The following ADAM12 variants were observed in gnomAD, a reference collection of about 807,000 sequenced individuals.
ADAM12 encodes the protein ADAM metallopeptidase domain 12.
A neutral mutation model predicts 106.4 loss-of-function variants in ADAM12; 70 were observed. That is an observed-to-expected ratio of 0.66 (90% CI 0.54 to 0.80). The LOEUF is 0.80. Ranked by LOEUF, ADAM12 falls within the 30% of genes least tolerant of loss-of-function variation. ADAM12 has a pLI of 0.00. For missense variants in ADAM12, 1,010 were observed against 1,171.9 expected (o/e 0.86, Z 2.02); for synonymous variants, 420 against 433.5 (o/e 0.97, Z 0.39).
intron 3 of ADAM12, among the ~76,000 whole-genome samples, chr10:126,235,219 C>T (rs1958390392): frequency 6.6e-6 from 1 of 152,204 alleles, no homozygotes; most frequent in Admixed American, 6.5e-5. Flanking sequence ...CAGGAAGCCA[C>T]CCCCCAGGGA....
At chr10:126,382,516 C>T (rs1590848726) in intron 1 of ADAM12, among the ~76,000 whole-genome samples, 1 of 152,234 alleles carries the variant, frequency 6.6e-6, no homozygotes, top group African/African-American at 2.4e-5. Flanking sequence ...AGAGTGAAAT[C>T]GCCTTGGCAG....
At chr10:126,173,699 T>G (rs1327192460) in intron 3 of ADAM12, among the ~76,000 whole-genome samples, 1 of 152,126 alleles carries the variant, frequency 6.6e-6, no homozygotes, top group Non-Finnish European at 1.5e-5. Context: ...ATCACAATGC[T>G]AATTCAGTCT....
chr10:126,122,021 C>T (rs1956124930), intron 5 of ADAM12, among the ~76,000 whole-genome samples: 1 of 152,084 alleles, frequency 6.6e-6, no homozygotes, highest in Non-Finnish European at 1.5e-5. Flanking sequence ...ATAGACAAGG[C>T]AGCATCGAGA....
chr10:126,051,508 T>TCCAGCCAG (rs1301345163), intron 14 of ADAM12, among the ~76,000 whole-genome samples: 6,265 of 125,172 alleles, frequency 0.05, 169 homozygotes, highest in Middle Eastern at 0.15. Context: ...CACCCGTCCA[T>TCCAGCCAG]CCATCCATCC....
intron 4 of ADAM12, among the ~76,000 whole-genome samples, chr10:126,149,309 A>G (rs1956687194): frequency 6.6e-6 from 1 of 152,210 alleles, no homozygotes; most frequent in African/African-American, 2.4e-5. Context: ...TGTAGACTTC[A>G]GCTTTTGCAA....
At chr10:126,375,974 C>T (rs1298541343) in intron 1 of ADAM12, among the ~76,000 whole-genome samples, 2 of 151,152 alleles carry the variant, frequency 1.3e-5, no homozygotes, top group Non-Finnish European at 2.9e-5. Flanking sequence ...TTTCTGGGCT[C>T]AAGTAATCCC....
intron 7 of ADAM12, among the ~76,000 whole-genome samples, chr10:126,109,522 T>C (rs1955831380): frequency 6.6e-6 from 1 of 152,196 alleles, no homozygotes; most frequent in Non-Finnish European, 1.5e-5. Context: ...TTAATTCTCC[T>C]TGTTTGGAGA....
At chr10:126,303,257 C>G (rs889533424) in intron 2 of ADAM12, among the ~76,000 whole-genome samples, 4 of 152,182 alleles carry the variant, frequency 2.6e-5, no homozygotes, top group African/African-American at 4.8e-5. Flanking sequence ...TCATACTATC[C>G]TATGTATATC....
intron 1 of ADAM12, among the ~76,000 whole-genome samples, chr10:126,350,917 C>G (rs1262210716): frequency 1.3e-5 from 2 of 152,192 alleles, no homozygotes; most frequent in Non-Finnish European, 2.9e-5. Flanking sequence ...TGCTGCCGAC[C>G]CCCGGAGCCC....
intron 3 of ADAM12, among the ~76,000 whole-genome samples, chr10:126,221,088 T>A (rs1399400328): frequency 6.6e-6 from 1 of 152,188 alleles, no homozygotes; most frequent in Non-Finnish European, 1.5e-5. Flanking sequence ...TGAGGTAGAT[T>A]TAGAAGAGAA....
intron 6 of ADAM12, among the ~76,000 whole-genome samples, chr10:126,114,976 C>A (rs1955953301): frequency 1.3e-5 from 2 of 152,258 alleles, no homozygotes; most frequent in South Asian, 4.1e-4. Context: ...CTACAAATAC[C>A]CCACCACTAC....
chr10:126,194,396 T>C (rs1178925802), intron 3 of ADAM12, among the ~76,000 whole-genome samples: 1 of 151,280 alleles, frequency 6.6e-6, no homozygotes, highest in African/African-American at 2.4e-5. Flanking sequence ...CAAAGGGAAG[T>C]GTACACCTCA....
At chr10:126,051,536 C>CCCACCCAT (rs1954490871) in intron 14 of ADAM12, among the ~76,000 whole-genome samples, 5 of 118,892 alleles carry the variant, frequency 4.2e-5, no homozygotes, top group Non-Finnish European at 8.9e-5. Context: ...CAGCCAGCCA[C>CCCACCCAT]CCATCCATCC....
intron 8 of ADAM12, among the ~76,000 whole-genome samples, chr10:126,107,260 G>T (rs1955791272): frequency 6.6e-6 from 1 of 152,156 alleles, no homozygotes; most frequent in South Asian, 2.1e-4. Flanking sequence ...GCCCTGGGAA[G>T]AAGTAAGTGA....
chr10:126,317,468 A>C (rs1564729346), intron 2 of ADAM12, among the ~76,000 whole-genome samples: 1 of 152,316 alleles, frequency 6.6e-6, no homozygotes, highest in Non-Finnish European at 1.5e-5. Flanking sequence ...AGCTGAATGA[A>C]ACATTTTGTG....
chr10:126,186,195 T>C (rs1957396494), intron 3 of ADAM12, among the ~76,000 whole-genome samples: 1 of 152,132 alleles, frequency 6.6e-6, no homozygotes, highest in African/African-American at 2.4e-5. Context: ...CAGTGTGCAG[T>C]GTTCAGTCAC....
chr10:126,103,088 G>A lies in ADAM12; in HGVS notation c.742-1847C>T, dbSNP rs147480277. 5.8e-4 allele frequency among the ~76,000 whole-genome samples: 88 copies of A among 152,264 alleles called. No homozygotes were observed. In the East Asian group the frequency reaches 0.015, roughly 25 times the overall value. On this transcript the variant is annotated intron_variant, in intron 8 of 22. Transcript: ENST00000448723. ...GGAGCCAGTAATGAAGGTCAGCAAAGGACTAATTGTCATCATTCCTTAGTG... is the reference window on the plus strand; with the variant it reads ...GGAGCCAGTAATGAAGGTCAGCAAAAGACTAATTGTCATCATTCCTTAGTG...
intron 11 of ADAM12, among the ~76,000 whole-genome samples, chr10:126,086,707 A>ATATATAT (rs1449849709): frequency 1.2e-4 from 11 of 92,884 alleles, no homozygotes; most frequent in African/African-American, 1.7e-4. Flanking sequence ...ATATATATAT[A>ATATATAT]AAATAAAATA....
intron 1 of ADAM12, among the ~76,000 whole-genome samples, chr10:126,384,689 C>T (rs149873396): frequency 1.0e-3 from 156 of 152,162 alleles, no homozygotes; most frequent in African/African-American, 3.3e-3. Flanking sequence ...ATAGAGGTTG[C>T]GTAAGGGATG....
Sources: gnomAD v4.1 joint callset for allele counts (sites outside exome capture counted in the v4.1 genomes callset) on GRCh38, gnomAD v4.1.1 for gene constraint, MANE v1.5 for transcripts, NCBI Gene and HGNC (gene_info 2026-07-23, HGNC 2026-07-21) for gene names.